Variants in RAD51B observed in about 807,000 individuals in gnomAD.
RAD51B encodes the protein DNA repair protein RAD51 homolog 2.
In RAD51B, 38 loss-of-function variants were observed where a neutral mutation model predicts 42.2. That is an observed-to-expected ratio of 0.90 (90% CI 0.70 to 1.18). The LOEUF (loss-of-function observed/expected upper bound fraction) is 1.18. Ranked by LOEUF, RAD51B falls within the 50% of genes most tolerant of loss-of-function variation. The pLI, the probability that RAD51B is intolerant of heterozygous loss-of-function variation, is 0.00. For synonymous variants in RAD51B, 154 were observed against 145.2 expected (o/e 1.06, Z -0.43); for missense variants, 373 against 400.7 (o/e 0.93, Z 0.59).
rs538053537 is a variant in RAD51B, at chr14:68,003,228, T to C, written c.756+116024T>C. ...TTGAGCAGTGCTTTATAGTTCTCCT[T>C]GAAGAGGTCCTTCACTTCCCTTGTT... On this transcript the variant is annotated intron_variant, in intron 7 of 10. Coordinates refer to ENST00000471583, the MANE Select transcript of RAD51B (RefSeq NM_133510.4). Among the ~76,000 whole-genome samples, 352 of 152,352 alleles carry C rather than the reference T, an allele frequency of 2.3e-3. 1 individual carries two copies. Among genetic ancestry groups the C allele is most frequent in the African/African-American group, 8.2e-3 (341 of 41,584 alleles).
chr14:68,199,990 C>G (rs1414896574), intron 7 of RAD51B, among the ~76,000 whole-genome samples: 2 of 152,100 alleles, frequency 1.3e-5, no homozygotes, highest in Admixed American at 1.3e-4. Context: ...GTGGGAGTAC[C>G]CTTTGATGTT....
intron 7 of RAD51B, among the ~76,000 whole-genome samples, chr14:68,254,604 G>C (rs1339569336): frequency 6.6e-6 from 1 of 152,008 alleles, no homozygotes; most frequent in Non-Finnish European, 1.5e-5. Flanking sequence ...ACTAGATTTT[G>C]CCATTAATGC....
intron 8 of RAD51B, among the ~76,000 whole-genome samples, chr14:68,370,650 G>A (rs577650135): frequency 6.6e-6 from 1 of 152,250 alleles, no homozygotes; most frequent in South Asian, 2.1e-4. Context: ...CTCAGACTGG[G>A]GGGTGTGGTA....
intron 7 of RAD51B, among the ~76,000 whole-genome samples, chr14:68,086,917 C>T (rs1402141105): frequency 6.6e-6 from 1 of 152,038 alleles, no homozygotes; most frequent in African/African-American, 2.4e-5. Context: ...GGGTGGATCA[C>T]CTGAGGTCAG....
At chr14:68,322,280 A>G (rs2082170985) in intron 8 of RAD51B, among the ~76,000 whole-genome samples, 1 of 152,236 alleles carries the variant, frequency 6.6e-6, no homozygotes, top group South Asian at 2.1e-4. Flanking sequence ...AAGAGAGCAT[A>G]TTACATAATT....
intron 10 of RAD51B, among the ~76,000 whole-genome samples, chr14:68,590,840 C>T (rs1890707191): frequency 6.6e-6 from 1 of 152,200 alleles, no homozygotes; most frequent in Non-Finnish European, 1.5e-5. Flanking sequence ...CAATGCTGAC[C>T]ATGGGTGGCG....
At chr14:68,301,736 A>G (rs1283968482) in intron 8 of RAD51B, among the ~76,000 whole-genome samples, 1 of 151,990 alleles carries the variant, frequency 6.6e-6, no homozygotes, top group Non-Finnish European at 1.5e-5. Context: ...AGCTGGGATT[A>G]CAGGCATGCA....
chr14:68,031,948 A>G (rs1469490268), intron 7 of RAD51B, among the ~76,000 whole-genome samples: 1 of 152,128 alleles, frequency 6.6e-6, no homozygotes, highest in African/African-American at 2.4e-5. Context: ...TCACCTTAGA[A>G]GGATTTTGAT....
At chr14:68,321,362 T>C (rs1250803663) in intron 8 of RAD51B, among the ~76,000 whole-genome samples, 1 of 152,220 alleles carries the variant, frequency 6.6e-6, no homozygotes, top group East Asian at 1.9e-4. Context: ...ACTTAGGGTC[T>C]AATTTAGCCA....
chr14:68,498,836 T>A (rs1024276850), intron 10 of RAD51B, among the ~76,000 whole-genome samples: 2 of 152,250 alleles, frequency 1.3e-5, no homozygotes, highest in South Asian at 4.1e-4. Context: ...ATAATCTGTC[T>A]TCCCTTGCCG....
intron 9 of RAD51B, among the ~76,000 whole-genome samples, chr14:68,456,669 A>C (rs73278338): frequency 0.015 from 2,266 of 152,246 alleles, 59 homozygotes; most frequent in African/African-American, 0.051. Context: ...AATAATGGAT[A>C]GGACAACTGG....
At chr14:68,643,599 TA>T (rs1595043912) in intron 10 of RAD51B, among the ~76,000 whole-genome samples, 3 of 152,224 alleles carry the variant, frequency 2.0e-5, no homozygotes, top group Non-Finnish European at 4.4e-5. Context: ...AGATCCAAGA[TA>T]AAATTCCTCC....
chr14:68,670,272 G>A (rs1893128974), intron 11 of RAD51B, among the ~76,000 whole-genome samples: 1 of 152,176 alleles, frequency 6.6e-6, no homozygotes, highest in South Asian at 2.1e-4. Flanking sequence ...ATCAGCATGG[G>A]GCTCCGGGGC....
At chr14:68,522,703 A>C (rs1240944871) in intron 10 of RAD51B, among the ~76,000 whole-genome samples, 1 of 152,192 alleles carries the variant, frequency 6.6e-6, no homozygotes, top group Non-Finnish European at 1.5e-5. Context: ...ATAGAAGAGA[A>C]AAGCAAAACA....
chr14:68,397,347 A>G (rs1428314724), intron 8 of RAD51B, among the ~76,000 whole-genome samples: 2 of 152,246 alleles, frequency 1.3e-5, no homozygotes, highest in Non-Finnish European at 1.5e-5. Context: ...CACCAAAACC[A>G]GTTCCCCCAA....
chr14:68,245,783 G>A (rs796812861), intron 7 of RAD51B, among the ~76,000 whole-genome samples: 5 of 152,258 alleles, frequency 3.3e-5, no homozygotes, highest in African/African-American at 7.2e-5. Context: ...TATTAAAGTC[G>A]GAGCAATGAG....
At chr14:68,540,098 TG>T in intron 10 of RAD51B, 1 of 771,164 alleles carries the variant, frequency 1.3e-6, no homozygotes, top group Non-Finnish European at 1.6e-6. Flanking sequence ...GAGAAGCCAC[TG>T]GACAGAGCTG....
chr14:68,395,045 C>G (rs1168056966), intron 8 of RAD51B, among the ~76,000 whole-genome samples: 1 of 152,172 alleles, frequency 6.6e-6, no homozygotes, highest in Non-Finnish European at 1.5e-5. Flanking sequence ...CAAGATCTGT[C>G]GGCATCCCCC....
At chr14:68,579,721 C>T (rs911164086) in intron 10 of RAD51B, among the ~76,000 whole-genome samples, 1 of 152,172 alleles carries the variant, frequency 6.6e-6, no homozygotes, top group Non-Finnish European at 1.5e-5. Flanking sequence ...GAGCCTGGTG[C>T]GTGGGGCATA....
Sources: allele counts gnomAD v4.1 joint callset (sites outside exome capture counted in the v4.1 genomes callset), GRCh38; gene constraint gnomAD v4.1.1; transcripts MANE v1.5; gene names NCBI Gene and HGNC (gene_info 2026-07-23, HGNC 2026-07-21).